PYGO1: variants seen among roughly 807,000 people sequenced by gnomAD.
PYGO1 encodes the protein pygopus homolog 1.
Under a neutral mutation model 29.5 loss-of-function variants are expected in PYGO1, and 6 were observed. That is an observed-to-expected ratio of 0.20 (90% CI 0.11 to 0.40). The LOEUF is 0.40. Ranked by LOEUF, PYGO1 falls within the 10% of genes least tolerant of loss-of-function variation. PYGO1 has a pLI of 1.00. For synonymous variants in PYGO1, 186 were observed against 180.5 expected, an observed-to-expected ratio of 1.03 and a Z score of -0.24; for missense variants, 515 against 514.9, an observed-to-expected ratio of 1.00 and a Z score of 0.00.
chr15:55,579,445 A>G (rs2059017137), intron 1 of PYGO1, among the ~76,000 whole-genome samples: 1 of 152,214 alleles, frequency 6.6e-6, no homozygotes. Context: ...GTAATTCTTA[A>G]AAATAAAACA....
chr15:55,554,786 A>G (rs974248844), intron 1 of PYGO1, among the ~76,000 whole-genome samples: 2 of 152,296 alleles, frequency 1.3e-5, no homozygotes, highest in African/African-American at 4.8e-5. Context: ...GCTTGAAGAT[A>G]ATCATTCTGA....
chr15:55,550,590 A>G (rs2058874580), intron 1 of PYGO1, among the ~76,000 whole-genome samples: 1 of 152,066 alleles, frequency 6.6e-6, no homozygotes, highest in Admixed American at 6.5e-5. Context: ...GGTTCTCATA[A>G]CCCCAACTTC....
At position 55,546,974 on chromosome 15, in the gene PYGO1, T is replaced by A; in HGVS notation, c.309A>T (p.Thr103=). 4 of 1,614,064 alleles carry A rather than the reference T, an allele frequency of 2.5e-6. No individual in the cohort carries two copies. Among genetic ancestry groups the A allele is most frequent in the Non-Finnish European group, 3.4e-6 (4 of 1,179,978 alleles). The part of the protein sequence containing the change: ...PGYPGFGGYS[T]FRMPPHVPPR... Reference sequence around the variant, plus strand: ...GGGGAACGTGAGGTGGCATTCTGAATGTACTATAGCCTCCAAAGCCAGGAT... The same window carrying A: ...GGGGAACGTGAGGTGGCATTCTGAAAGTACTATAGCCTCCAAAGCCAGGAT... The change falls in exon 3 of 3, where the codon ACA becomes ACT. Residue 103 remains threonine, a synonymous_variant. Transcript: ENST00000563719.
chr15:55,551,260 G>A (rs553150325), intron 1 of PYGO1, among the ~76,000 whole-genome samples: 1 of 152,288 alleles, frequency 6.6e-6, no homozygotes, highest in Non-Finnish European at 1.5e-5. Context: ...GTGATGGTCT[G>A]TTCTTCCACT....
Position 55,588,087 on chromosome 15 carries a change from G to T in PYGO1, c.-204C>A, listed in dbSNP as rs2059057513. ...GGCCTCGGGGCGGCGGGGCGGCGGG[G>T]CGGCGTGCGGGCACCGGCGGGGCTC... On this transcript the variant is annotated 5_prime_UTR_variant, in exon 1 of 3. Coordinates refer to ENST00000563719, the MANE Select transcript of PYGO1 (RefSeq NM_001367806.1). 21 of 1,038,134 alleles carry T rather than the reference G, an allele frequency of 2.0e-5. No individual in the cohort carries two copies. Among genetic ancestry groups the T allele is most frequent in the Non-Finnish European group, 2.2e-5 (19 of 863,950 alleles). The allele number at this position is 1,038,134 out of a possible 1,614,324, so 64.3% of individuals were successfully genotyped here. A position where few individuals can be genotyped will look rare whatever the true frequency, so the allele number is the denominator to read the frequency against.
intron 1 of PYGO1, among the ~76,000 whole-genome samples, chr15:55,555,701 G>T (rs566273876): frequency 6.6e-6 from 1 of 152,062 alleles, no homozygotes; most frequent in African/African-American, 2.4e-5. Context: ...AATGTAAATG[G>T]AGTAAATGGC....
At chr15:55,549,052 T>A in intron 1 of PYGO1, 57 bp from the exon 2 acceptor site, 1 of 1,332,290 alleles carries the variant, frequency 7.5e-7, no homozygotes, top group East Asian at 2.3e-5. Context: ...TTACTTTATA[T>A]CTCATAGTAA....
intron 1 of PYGO1, among the ~76,000 whole-genome samples, chr15:55,584,106 CTTT>C (rs61436067): frequency 1.1e-3 from 134 of 123,108 alleles, no homozygotes; most frequent in Middle Eastern, 4.2e-3. Context: ...GGTGTCATAC[CTTT>C]TTTTTTTTTT....
chr15:55,546,901 G>C lies in PYGO1; in HGVS notation c.382C>G (p.Pro128Ala). The change falls in exon 3 of 3, where the codon CCA (proline) becomes GCA (alanine). Residue 128 changes from proline to alanine, a missense_variant. Pro to Ala is a conservative substitution (Grantham distance 27). Coordinates refer to ENST00000563719, the MANE Select transcript of PYGO1 (RefSeq NM_001367806.1). ...AGAGGATTCTGAGGAAATGGGTGTG[G>C]CTGGTTCCTGAGTGAGTAAGGACCA... Reference protein sequence around the residue: ...YCGPYSLRNQPHPFPQNPLGM... With the variant: ...YCGPYSLRNQAHPFPQNPLGM... 1 of 1,614,174 alleles carries C rather than the reference G, an allele frequency of 6.2e-7. No homozygotes were observed. Among genetic ancestry groups the C allele is most frequent in the East Asian group, 2.2e-5 (1 of 44,878 alleles).
intron 2 of PYGO1, 48 bp from the exon 3 acceptor site, chr15:55,547,195 T>G: frequency 6.8e-7 from 1 of 1,466,934 alleles, no homozygotes; most frequent in Non-Finnish European, 9.1e-7. Context: ...TCAAATACAT[T>G]ATTAAAATTG....
chr15:55,544,608 G>C lies in PYGO1; in HGVS notation c.*1415C>G, dbSNP rs1441003270. ...AATTTAAATTTCTTGATAATATGCT[G>C]CTGCCGTCATTGTTTCACTTGGGTT... On this transcript the variant is annotated 3_prime_UTR_variant, in exon 3 of 3. Coordinates refer to ENST00000563719, the MANE Select transcript of PYGO1 (RefSeq NM_001367806.1). 6.6e-6 allele frequency: 1 copy of C among 152,106 alleles called. No individual in the cohort carries two copies. Among genetic ancestry groups the C allele is most frequent in the Non-Finnish European group, 1.5e-5 (1 of 67,998 alleles). The allele number at this position is 152,106 out of a possible 1,614,324, so 9.4% of individuals were successfully genotyped here. A position where few individuals can be genotyped will look rare whatever the true frequency, so the allele number is the denominator to read the frequency against.
intron 1 of PYGO1, among the ~76,000 whole-genome samples, chr15:55,578,263 A>G (rs544812137): frequency 3.3e-5 from 5 of 152,088 alleles, no homozygotes; most frequent in African/African-American, 1.2e-4. Context: ...CATTTCGGTT[A>G]TTTCCACTTT....
intron 1 of PYGO1, among the ~76,000 whole-genome samples, chr15:55,579,303 G>C (rs1177492698): frequency 1.3e-5 from 2 of 152,026 alleles, no homozygotes; most frequent in African/African-American, 4.8e-5. Flanking sequence ...TATGGAAAAA[G>C]AATTAGCAAT....
At chr15:55,547,453 A>G (rs940642078) in intron 2 of PYGO1, among the ~76,000 whole-genome samples, 13 of 152,202 alleles carry the variant, frequency 8.5e-5, no homozygotes, top group African/African-American at 2.7e-4. Flanking sequence ...CATTATCCTA[A>G]TTTTCATTTA....
chr15:55,576,832 G>C (rs1595993366), intron 1 of PYGO1, among the ~76,000 whole-genome samples: 1 of 147,292 alleles, frequency 6.8e-6, no homozygotes, highest in South Asian at 2.1e-4. Context: ...AAGTCTGTTG[G>C]ATACAACATC....
chr15:55,557,215 G>C (rs971083120), intron 1 of PYGO1, among the ~76,000 whole-genome samples: 11 of 152,088 alleles, frequency 7.2e-5, no homozygotes, highest in South Asian at 6.2e-4. Flanking sequence ...CTATAAACAC[G>C]TCTACGCAAA....
intron 1 of PYGO1, among the ~76,000 whole-genome samples, chr15:55,555,122 C>A (rs190762809): frequency 6.6e-6 from 1 of 151,970 alleles, no homozygotes; most frequent in Non-Finnish European, 1.5e-5. Flanking sequence ...AAGGCCAGGT[C>A]GCCTACAAAG....
At chr15:55,563,789 C>G (rs1019087776) in intron 1 of PYGO1, among the ~76,000 whole-genome samples, 1 of 152,118 alleles carries the variant, frequency 6.6e-6, no homozygotes, top group Non-Finnish European at 1.5e-5. Flanking sequence ...ATAAAATACA[C>G]AAATGGCCAA....
intron 2 of PYGO1, among the ~76,000 whole-genome samples, 178 bp downstream of exon 2, chr15:55,548,707 TAAAAAAAAAAAAAAAAAAAAAAAAA>T (rs60796044): frequency 9.0e-5 from 5 of 55,448 alleles, no homozygotes; most frequent in South Asian, 8.6e-4. Flanking sequence ...AGAATCCACC[TAAAAAAAAAAAAAAAAAAAAAAAAA>T]AAAAAAAAAA....
Sources: allele counts gnomAD v4.1 joint callset (sites outside exome capture counted in the v4.1 genomes callset), GRCh38; gene constraint gnomAD v4.1.1; transcripts MANE v1.5; gene names NCBI Gene and HGNC (gene_info 2026-07-23, HGNC 2026-07-21).